Variants in WDR7 observed in about 807,000 individuals in gnomAD.
WDR7 encodes the protein WD repeat-containing protein 7.
Under a neutral mutation model 169.4 loss-of-function variants are expected in WDR7, and 46 were observed. The observed-to-expected ratio is 0.27, with a 90% CI of 0.21 to 0.35. The LOEUF (loss-of-function observed/expected upper bound fraction) is 0.35, where lower values mean the gene tolerates loss of function less well. Among genes scored for constraint, WDR7 ranks in the 10% least tolerant of loss-of-function variants. WDR7 has a pLI of 1.00. For missense variants in WDR7, 1,534 were observed against 1,859.3 expected, an observed-to-expected ratio of 0.83 and a Z score of 3.22; for synonymous variants, 612 against 666.8, an observed-to-expected ratio of 0.92 and a Z score of 1.27.
chr18:56,701,080 G>A (rs1482255553), intron 12 of WDR7, among the ~76,000 whole-genome samples: 1 of 152,180 alleles, frequency 6.6e-6, no homozygotes, highest in Non-Finnish European at 1.5e-5. Flanking sequence ...AACAGTTGAG[G>A]AAGTAATGTG....
intron 12 of WDR7, among the ~76,000 whole-genome samples, chr18:56,709,427 CATA>C (rs564425874): frequency 4.6e-5 from 7 of 152,066 alleles, no homozygotes; most frequent in African/African-American, 9.7e-5. Flanking sequence ...TATATAATTA[CATA>C]ATAATAATAA....
intron 12 of WDR7, 131 bp from the exon 13 acceptor site, chr18:56,717,833 A>G: frequency 1.3e-6 from 1 of 741,958 alleles, no homozygotes; most frequent in Non-Finnish European, 2.0e-6. Context: ...ACTTTTCAAC[A>G]TGACCTAATA....
intron 19 of WDR7, among the ~76,000 whole-genome samples, chr18:56,792,471 T>C (rs1410103927): frequency 6.6e-6 from 1 of 152,174 alleles, no homozygotes; most frequent in Non-Finnish European, 1.5e-5. Context: ...TACATCATAG[T>C]TTCTTCTTGT....
At chr18:56,924,917 G>A (rs2046782129) in intron 22 of WDR7, among the ~76,000 whole-genome samples, 2 of 152,240 alleles carry the variant, frequency 1.3e-5, no homozygotes, top group African/African-American at 2.4e-5. Context: ...GAAGCCCCAT[G>A]CCCATTAAGC....
chr18:56,956,022 G>A (rs1174544940), intron 25 of WDR7, among the ~76,000 whole-genome samples: 2 of 152,130 alleles, frequency 1.3e-5, no homozygotes, highest in Non-Finnish European at 2.9e-5. Flanking sequence ...TAACATGCCA[G>A]CTACAGTGTG....
chr18:56,732,781 A>C (rs2026614667), intron 14 of WDR7, among the ~76,000 whole-genome samples: 1 of 152,198 alleles, frequency 6.6e-6, no homozygotes, highest in Non-Finnish European at 1.5e-5. Context: ...AGTTACTTCC[A>C]AGGAATCTTG....
At position 56,991,368 on chromosome 18, in the gene WDR7, ATCT is replaced by A. The variant is rs555405831; in HGVS notation, c.4164+28843_4164+28845del. On this transcript the variant is annotated intron_variant, in intron 26 of 27. Transcript: ENST00000254442. ...CACCGTGTTAGCCAGGATGGTCTCGATCTTCTGACCTCGTGATCCGCCTGCCTT... is the reference window on the plus strand; with the variant it reads ...CACCGTGTTAGCCAGGATGGTCTCGATCTGACCTCGTGATCCGCCTGCCTT... Among the ~76,000 whole-genome samples, 7 of 152,070 alleles carry A rather than the reference ATCT, an allele frequency of 4.6e-5. No individual in the cohort carries two copies. The South Asian group carries it at 1.2e-3, about 27-fold the overall frequency.
chr18:56,755,195 A>AT (rs1599018555), intron 14 of WDR7, among the ~76,000 whole-genome samples: 1 of 150,848 alleles, frequency 6.6e-6, no homozygotes, highest in Non-Finnish European at 1.5e-5. Flanking sequence ...TTTTATTCCT[A>AT]TTTTTTAGTT....
intron 7 of WDR7, among the ~76,000 whole-genome samples, chr18:56,690,618 C>G (rs992196455): frequency 6.6e-6 from 1 of 151,730 alleles, no homozygotes; most frequent in African/African-American, 2.4e-5. Context: ...AGTTCGAGAC[C>G]AGCCTGGGCA....
chr18:56,970,275 T>G (rs1242743885), intron 26 of WDR7, among the ~76,000 whole-genome samples: 1 of 151,336 alleles, frequency 6.6e-6, no homozygotes, highest in African/African-American at 2.4e-5. Flanking sequence ...CCAGGACTAT[T>G]TGAACTAGTA....
intron 26 of WDR7, among the ~76,000 whole-genome samples, chr18:56,989,162 C>G (rs1237788780): frequency 6.6e-6 from 1 of 151,416 alleles, no homozygotes; most frequent in African/African-American, 2.4e-5. Flanking sequence ...TCTTCTAAAG[C>G]AACATTATTC....
At position 57,015,306 on chromosome 18, in the gene WDR7, A is replaced by G. The variant is rs553511013; in HGVS notation, c.4165-5439A>G. Among the ~76,000 whole-genome samples the G allele has an allele frequency of 2.0e-4, 30 of 152,308 alleles. 1 individual carries two copies. In the South Asian group the frequency reaches 6.2e-3, roughly 32 times the overall value. Reference sequence around the variant, plus strand: ...ACTTGAACCTTCTAATCGGCCATAGATGAGATTATCTGTTTTTTAATGGCG... The same window carrying G: ...ACTTGAACCTTCTAATCGGCCATAGGTGAGATTATCTGTTTTTTAATGGCG... On this transcript the variant is annotated intron_variant, in intron 26 of 27. Coordinates refer to ENST00000254442, the MANE Select transcript of WDR7 (RefSeq NM_015285.3).
intron 20 of WDR7, among the ~76,000 whole-genome samples, chr18:56,855,803 AT>A (rs1478311663): frequency 6.6e-6 from 1 of 152,100 alleles, no homozygotes; most frequent in Non-Finnish European, 1.5e-5. Context: ...TCTCTAATAC[AT>A]TTTGTAGATA....
intron 20 of WDR7, among the ~76,000 whole-genome samples, chr18:56,865,863 A>G (rs988430177): frequency 6.6e-6 from 1 of 152,098 alleles, no homozygotes; most frequent in Non-Finnish European, 1.5e-5. Flanking sequence ...CATTTTTTAG[A>G]TAGCTTTGTA....
chr18:56,726,542 G>A (rs892286767), intron 13 of WDR7, among the ~76,000 whole-genome samples: 10 of 152,144 alleles, frequency 6.6e-5, no homozygotes, highest in Non-Finnish European at 1.0e-4. Context: ...TCAGCTTAAG[G>A]AGATTTTGGG....
intron 20 of WDR7, among the ~76,000 whole-genome samples, chr18:56,870,870 G>A (rs1003535006): frequency 2.0e-5 from 3 of 152,156 alleles, no homozygotes; most frequent in African/African-American, 7.2e-5. Context: ...ACTCACTTTT[G>A]AAGATCTAGT....
intron 25 of WDR7, among the ~76,000 whole-genome samples, chr18:56,946,130 A>G (rs2047100073): frequency 6.6e-6 from 1 of 152,204 alleles, no homozygotes; most frequent in South Asian, 2.1e-4. Flanking sequence ...CATGTGGTCC[A>G]TTTATTCCTC....
At chr18:56,917,567 G>T (rs74755870) in intron 21 of WDR7, among the ~76,000 whole-genome samples, 7 of 152,092 alleles carry the variant, frequency 4.6e-5, no homozygotes, top group Admixed American at 1.3e-4. Flanking sequence ...ATGTGTGTGG[G>T]TGTGTGTTAT....
chr18:56,749,355 A>C (rs1599013654), intron 14 of WDR7, among the ~76,000 whole-genome samples: 1 of 150,046 alleles, frequency 6.7e-6, no homozygotes, highest in African/African-American at 2.5e-5. Context: ...CAAGACTCAA[A>C]GTATTAATAT....
Sources: gnomAD v4.1 joint callset for allele counts (sites outside exome capture counted in the v4.1 genomes callset) on GRCh38, gnomAD v4.1.1 for gene constraint, MANE v1.5 for transcripts, NCBI Gene and HGNC (gene_info 2026-07-23, HGNC 2026-07-21) for gene names.